CPEB2: variants seen among roughly 807,000 people sequenced by gnomAD.
CPEB2 encodes cytoplasmic polyadenylation element-binding protein 2.
A neutral mutation model predicts 93.6 loss-of-function variants in CPEB2; 56 were observed. The observed-to-expected ratio is 0.60, with a 90% CI of 0.48 to 0.75. The LOEUF is 0.75. Among genes scored for constraint, CPEB2 ranks in the 30% least tolerant of loss-of-function variants. The pLI is 0.00. For missense variants in CPEB2, 1,579 were observed against 1,395.1 expected (o/e 1.13, Z -2.10); for synonymous variants, 764 against 586.3 (o/e 1.30, Z -4.38).
rs888862974 is a variant in CPEB2, at chr4:15,003,414, G to A, written c.741G>A (p.Gln247=). 6 of 1,360,226 alleles carry A rather than the reference G, an allele frequency of 4.4e-6. No homozygotes were observed. The African/African-American group carries it at 6.2e-5, about 14-fold the overall frequency. 84.3% of individuals were successfully genotyped at this position (1,360,226 alleles called of 1,614,324 possible). The change falls in exon 1 of 12, where the codon CAG becomes CAA. Residue 247 remains glutamine, a synonymous_variant. Coordinates refer to ENST00000538197, the MANE Select transcript of CPEB2 (RefSeq NM_001177382.2). Reference sequence around the variant, plus strand: ...TGCATCAGCAGCACCTCTCGCCGCAGGACTTCGCCCCGCGGCAGCGTCCGG... The same window carrying A: ...TGCATCAGCAGCACCTCTCGCCGCAAGACTTCGCCCCGCGGCAGCGTCCGG... The part of the protein sequence containing the change: ...SLLHQQHLSP[Q]DFAPRQRPAD...
intron 11 of CPEB2, among the ~76,000 whole-genome samples, chr4:15,062,738 ATGTT>A (rs1235735624): frequency 1.3e-5 from 2 of 152,130 alleles, no homozygotes; most frequent in Non-Finnish European, 2.9e-5. Flanking sequence ...TGTTATTTAA[ATGTT>A]TGTTTTCATT....
intron 6 of CPEB2, among the ~76,000 whole-genome samples, chr4:15,051,223 G>A (rs1728191659): frequency 6.6e-6 from 1 of 151,962 alleles, no homozygotes; most frequent in South Asian, 2.1e-4. Flanking sequence ...TCTCCCTAAT[G>A]CATAGAAAAA....
intron 5 of CPEB2, among the ~76,000 whole-genome samples, chr4:15,039,390 T>C (rs1726948084): frequency 6.6e-6 from 1 of 152,214 alleles, no homozygotes; most frequent in Non-Finnish European, 1.5e-5. Flanking sequence ...CTTTAAGTTT[T>C]ATATTTTTAG....
chr4:15,015,722 TCC>T (rs1724055651), intron 3 of CPEB2, among the ~76,000 whole-genome samples: 1 of 151,866 alleles, frequency 6.6e-6, no homozygotes, highest in Non-Finnish European at 1.5e-5. Context: ...TACACACTAG[TCC>T]CCCCTTATCC....
At chr4:15,018,530 G>A (rs1054098240) in intron 4 of CPEB2, among the ~76,000 whole-genome samples, 2 of 149,620 alleles carry the variant, frequency 1.3e-5, no homozygotes, top group Admixed American at 1.3e-4. Flanking sequence ...AGTTTTTTGA[G>A]TATCTTTGTA....
In CPEB2 at chr4:15,004,370, C is replaced by T; in HGVS notation, c.1662+35C>T. Reference sequence around the variant, plus strand: ...GCGGCGGCCTGGCCGCGCCGCGGGACCGGGAGACCATGGGCGGGGGACGGA... The same window carrying T: ...GCGGCGGCCTGGCCGCGCCGCGGGATCGGGAGACCATGGGCGGGGGACGGA... On this transcript the variant is annotated intron_variant, in intron 1 of 11. Transcript: ENST00000538197. The T allele has an allele frequency of 2.2e-6, 3 of 1,389,254 alleles. No individual in the cohort carries two copies. In the South Asian group the frequency reaches 4.4e-5, roughly 20 times the overall value. 86.1% of individuals were successfully genotyped at this position (1,389,254 alleles called of 1,614,324 possible).
intron 4 of CPEB2, among the ~76,000 whole-genome samples, chr4:15,026,909 T>G (rs984250003): frequency 6.6e-5 from 10 of 152,306 alleles, no homozygotes; most frequent in African/African-American, 2.4e-4. Context: ...ATTGCCAACC[T>G]AGGTTTGCTT....
chr4:15,012,916 CAG>C (rs931253494), intron 3 of CPEB2, among the ~76,000 whole-genome samples: 1 of 151,878 alleles, frequency 6.6e-6, no homozygotes, highest in African/African-American at 2.4e-5. Flanking sequence ...AAAAATAAAA[CAG>C]GGTTTTTAAT....
chr4:15,054,901 A>G (rs1007899877), intron 8 of CPEB2, among the ~76,000 whole-genome samples: 1 of 152,174 alleles, frequency 6.6e-6, no homozygotes, highest in African/African-American at 2.4e-5. Flanking sequence ...GGGAGGTTCA[A>G]AGATTAAGAC....
At chr4:15,018,856 G>C (rs1724468732) in intron 4 of CPEB2, among the ~76,000 whole-genome samples, 1 of 146,250 alleles carries the variant, frequency 6.8e-6, no homozygotes, top group Admixed American at 6.8e-5. Context: ...TTGCTAGCCT[G>C]GGTTATAGTA....
chr4:15,007,321 C>G lies in CPEB2; in HGVS notation c.1679C>G (p.Ser560Cys), dbSNP rs1236442996. Residue 560 changes from serine to cysteine, a missense_variant, in exon 2 of 12, where the codon TCT becomes TGT. Around this residue, in one of 2 missense-constraint regions of CPEB2, gnomAD observed 1,411 missense variants for 1,056.0 expected, o/e 1.34. Transcript: ENST00000538197. ...TTTCCCTAGCCTCTTCTGAAACAGTCTCCCTGGAGCAACCATCAGAGCAGT... is the reference window on the plus strand; with the variant it reads ...TTTCCCTAGCCTCTTCTGAAACAGTGTCCCTGGAGCAACCATCAGAGCAGT... The part of the protein sequence containing the change: ...YNHHQPLLKQ[S>C]PWSNHQSSGW... The G allele has an allele frequency of 1.3e-6, 2 of 1,508,302 alleles. No individual in the cohort carries two copies. The highest frequency in any genetic ancestry group is 1.8e-6 in the Non-Finnish European group (2 of 1,119,086). 93.4% of individuals were successfully genotyped at this position (1,508,302 alleles called of 1,614,324 possible).
In CPEB2 at chr4:15,003,592, G is replaced by T; in HGVS notation, c.919G>T (p.Val307Leu). 6.8e-7 allele frequency: 1 copy of T among 1,476,244 alleles called. No homozygotes were observed. Among genetic ancestry groups the T allele is most frequent in the Non-Finnish European group, 8.9e-7 (1 of 1,117,930 alleles). The allele number at this position is 1,476,244 out of a possible 1,614,324, so 91.4% of individuals were successfully genotyped here. Residue 307 changes from valine (V) to leucine (L), a missense_variant, in exon 1 of 12, where the codon GTG becomes TTG. This residue lies in a region of CPEB2 where 1,411 missense variants were observed against 1,056.0 expected (regional missense o/e 1.34). Coordinates refer to ENST00000538197, the MANE Select transcript of CPEB2 (RefSeq NM_001177382.2). ...TGCGGGCTTGGCCTCCTCGACGCCG[G>T]TGAACCCCGCGCCGGGCTCCATGGA... Reference protein sequence around the residue: ...PNAGLASSTPVNPAPGSMESP... With the variant: ...PNAGLASSTPLNPAPGSMESP...
At chr4:15,005,267 A>G (rs374748472) in intron 1 of CPEB2, 15 of 152,242 alleles carry the variant, frequency 9.9e-5, no homozygotes, top group African/African-American at 3.6e-4. Context: ...GGGTTTTAAG[A>G]CAAAACTGAA....
rs1723066152 is a variant in CPEB2 at position 15,008,200 on chromosome 4, G to T, written c.1945-138G>T. Reference sequence around the variant, plus strand: ...GCAAGTGAGGTTTTTGTTTTGTTTTGTTTTTTTCTTAAACCTTTAGAGGAT... The same window carrying T: ...GCAAGTGAGGTTTTTGTTTTGTTTTTTTTTTTTCTTAAACCTTTAGAGGAT... On this transcript the variant is annotated intron_variant, in intron 2 of 11. Coordinates refer to ENST00000538197, the MANE Select transcript of CPEB2 (RefSeq NM_001177382.2). 4 of 486,244 alleles carry T rather than the reference G, an allele frequency of 8.2e-6. No individual in the cohort carries two copies. The highest frequency in any genetic ancestry group is 1.0e-4 in the South Asian group (2 of 19,582). The allele number at this position is 486,244 out of a possible 1,614,324, so 30.1% of individuals were successfully genotyped here. A position where few individuals can be genotyped will look rare whatever the true frequency, so the allele number is the denominator to read the frequency against.
intron 11 of CPEB2, among the ~76,000 whole-genome samples, chr4:15,062,570 C>T (rs976465126): frequency 1.3e-5 from 2 of 152,002 alleles, no homozygotes; most frequent in Non-Finnish European, 2.9e-5. Flanking sequence ...AGTCAGACTG[C>T]CTGGGATTGA....
intron 3 of CPEB2, among the ~76,000 whole-genome samples, chr4:15,009,031 A>C (rs1332407930): frequency 6.6e-6 from 1 of 152,196 alleles, no homozygotes; most frequent in East Asian, 1.9e-4. Flanking sequence ...AATTACATTT[A>C]CACCTTTGGT....
chr4:15,012,772 TA>T, intron 3 of CPEB2, among the ~76,000 whole-genome samples: 1 of 152,274 alleles, frequency 6.6e-6, no homozygotes, highest in East Asian at 1.9e-4. Context: ...TCTTTCTAGT[TA>T]AGCAGAATAA....
At chr4:15,013,899 C>T (rs1723796575) in intron 3 of CPEB2, among the ~76,000 whole-genome samples, 1 of 151,836 alleles carries the variant, frequency 6.6e-6, no homozygotes, top group East Asian at 1.9e-4. Flanking sequence ...AATAAGAGAC[C>T]TTATAAGTAG....
At chr4:15,011,671 G>A (rs1723503050) in intron 3 of CPEB2, among the ~76,000 whole-genome samples, 1 of 152,040 alleles carries the variant, frequency 6.6e-6, no homozygotes, top group Non-Finnish European at 1.5e-5. Flanking sequence ...TAATGTTAAG[G>A]TTACGCTATA....
Sources: gnomAD v4.1 joint callset for allele counts (sites outside exome capture counted in the v4.1 genomes callset) on GRCh38, gnomAD v4.1.1 for gene constraint, gnomAD v4.1.1 regional missense constraint, MANE v1.5 for transcripts, NCBI Gene and HGNC (gene_info 2026-07-23, HGNC 2026-07-21) for gene names.